The following LHX4 variants were observed in gnomAD, a reference collection of about 807,000 sequenced individuals.
LHX4 encodes LIM homeobox 4, also known as LIM/homeobox protein Lhx4.
LHX4 carries 16 observed loss-of-function variants against 39.2 expected under a neutral mutation model. The observed-to-expected ratio is 0.41, with a 90% CI of 0.28 to 0.62. LHX4 has a LOEUF of 0.62. Ranked by LOEUF, LHX4 falls within the 20% of genes least tolerant of loss-of-function variation. LHX4 has a pLI of 0.33. For missense variants in LHX4, 439 were observed against 511.9 expected (o/e 0.86, Z 1.37); for synonymous variants, 206 against 198.1 (o/e 1.04, Z -0.33).
chr1:180,250,210 T>A (rs529753542), intron 2 of LHX4, among the ~76,000 whole-genome samples: 25 of 152,264 alleles, frequency 1.6e-4, no homozygotes, highest in African/African-American at 5.1e-4. Flanking sequence ...TCTAGCCACA[T>A]CCTTTCCCAG....
At chr1:180,254,884 C>T (rs1463024467) in intron 2 of LHX4, among the ~76,000 whole-genome samples, 1 of 152,142 alleles carries the variant, frequency 6.6e-6, no homozygotes, top group Admixed American at 6.5e-5. Context: ...ACACTGTGCC[C>T]CACATAGGGA....
At chr1:180,248,649 G>T (rs995443497) in intron 2 of LHX4, 193 bp downstream of exon 2, 5 of 680,324 alleles carry the variant, frequency 7.3e-6, no homozygotes, top group African/African-American at 5.3e-5. Context: ...ACTGCCAGAG[G>T]TTCAGCCTCT....
rs1037332041 is a variant in LHX4 at position 180,230,771 on chromosome 1, C to G, written c.76+166C>G. Among the ~76,000 whole-genome samples, 1 of 152,174 alleles carries G rather than the reference C, an allele frequency of 6.6e-6. No individual in the cohort carries two copies. Among genetic ancestry groups the G allele is most frequent in the Non-Finnish European group, 1.5e-5 (1 of 68,028 alleles). On this transcript the variant is annotated intron_variant, in intron 1 of 5. Coordinates refer to ENST00000263726, the MANE Select transcript of LHX4 (RefSeq NM_033343.4). The surrounding 1 kb of genome is among the most constrained non-coding windows in gnomAD (Gnocchi z 5.8). ...CCAGCCAGAGTGCGTTTGAGGGGGC[C>G]AGGCTCTTGGCTGTTTGGGGCCGAA...
Position 180,274,650 on chromosome 1 carries a change from C to T in LHX4, c.*71C>T. ...ATCTTCAAGGATCAAAAGAGACTTG[C>T]CTTTTAAGGATCGAAAGTACGCCAA... On this transcript the variant is annotated 3_prime_UTR_variant, in exon 6 of 6. Coordinates refer to ENST00000263726, the MANE Select transcript of LHX4 (RefSeq NM_033343.4). 1 of 1,461,778 alleles carries T rather than the reference C, an allele frequency of 6.8e-7. No individual in the cohort carries two copies. Among genetic ancestry groups the T allele is most frequent in the South Asian group, 1.4e-5 (1 of 72,390 alleles). The allele number at this position is 1,461,778 out of a possible 1,614,324, so 90.6% of individuals were successfully genotyped here.
chr1:180,257,609 A>G (rs1274294900), intron 2 of LHX4, among the ~76,000 whole-genome samples: 1 of 152,268 alleles, frequency 6.6e-6, no homozygotes, highest in African/African-American at 2.4e-5. Flanking sequence ...ATACAGTAAC[A>G]GTAAATATCA....
intron 1 of LHX4, among the ~76,000 whole-genome samples, chr1:180,239,313 A>T (rs1242686062): frequency 6.6e-6 from 1 of 152,244 alleles, no homozygotes; most frequent in Non-Finnish European, 1.5e-5. Context: ...ACCTGAGGCA[A>T]CAGAACAGCA....
At position 180,274,258 on chromosome 1, in the gene LHX4, G is replaced by T. The variant is rs145600753; in HGVS notation, c.852G>T (p.Gln284His). 3 of 1,614,240 alleles carry T rather than the reference G, an allele frequency of 1.9e-6. No individual in the cohort carries two copies. In the African/African-American group the frequency reaches 4.0e-5, roughly 22 times the overall value. ...YGNVGDVTGGQLMNGSFSMDG... is the reference protein window; with the variant it reads ...YGNVGDVTGGHLMNGSFSMDG... ...ACGTGGGGGACGTTACAGGCGGACA[G>T]TTAATGAATGGGAGCTTCTCCATGG... The change falls in exon 6 of 6, where the codon CAG (glutamine) becomes CAT (histidine). Residue 284 changes from glutamine to histidine, a missense_variant. Physicochemically the swap from Gln to His is conservative, Grantham distance 24. Coordinates refer to ENST00000263726, the MANE Select transcript of LHX4 (RefSeq NM_033343.4).
chr1:180,248,252 G>T, intron 1 of LHX4, 33 bp from the exon 2 acceptor site: 1 of 1,610,532 alleles, frequency 6.2e-7, no homozygotes, highest in Non-Finnish European at 8.5e-7. Flanking sequence ...TGTGTGGAAG[G>T]CTCACAGTGC....
intron 2 of LHX4, among the ~76,000 whole-genome samples, chr1:180,250,006 C>T (rs73042450): frequency 0.048 from 7,222 of 151,906 alleles, 582 homozygotes; most frequent in African/African-American, 0.16. Flanking sequence ...TGTGTGTTGA[C>T]TACAGGAAGG....
chr1:180,265,935 G>A (rs1295701834), intron 2 of LHX4, among the ~76,000 whole-genome samples: 1 of 152,194 alleles, frequency 6.6e-6, no homozygotes, highest in Admixed American at 6.5e-5. Context: ...CTGGGAGTGT[G>A]TGAAAAGGTG....
intron 1 of LHX4, 70 bp from the exon 2 acceptor site, chr1:180,248,215 G>A (rs535723243): frequency 5.2e-5 from 80 of 1,539,458 alleles, no homozygotes; most frequent in East Asian, 9.2e-5. Flanking sequence ...GAAGGCACCC[G>A]CCAGGGCCTG....
At chr1:180,254,298 C>G (rs1647755177) in intron 2 of LHX4, among the ~76,000 whole-genome samples, 1 of 152,362 alleles carries the variant, frequency 6.6e-6, no homozygotes, top group Non-Finnish European at 1.5e-5. Flanking sequence ...GCGCCAGAGG[C>G]TCCCGGTAGC....
intron 3 of LHX4, chr1:180,271,038 G>A: frequency 2.7e-6 from 1 of 376,312 alleles, no homozygotes; most frequent in South Asian, 2.2e-5. Flanking sequence ...AACTCATGAG[G>A]ATGTGTGAGC....
Position 180,277,880 on chromosome 1 carries a change from G to A in LHX4, c.*3301G>A, listed in dbSNP as rs1012100799. The A allele has an allele frequency of 6.7e-6, 1 of 149,742 alleles. No individual in the cohort carries two copies. The highest frequency in any genetic ancestry group is 1.5e-5 in the Non-Finnish European group (1 of 67,332). 9.3% of individuals were successfully genotyped at this position (149,742 alleles called of 1,614,324 possible). A position where few individuals can be genotyped will look rare whatever the true frequency, so the allele number is the denominator to read the frequency against. Reference sequence around the variant, plus strand: ...GGCAGTGTCCTTAAACTTTTTTTGGGGGGGGGCAGTGTAAAACATGAAACC... The same window carrying A: ...GGCAGTGTCCTTAAACTTTTTTTGGAGGGGGGCAGTGTAAAACATGAAACC... On this transcript the variant is annotated 3_prime_UTR_variant, in exon 6 of 6. Transcript: ENST00000263726.
At chr1:180,231,431 C>T (rs1312950651) in intron 1 of LHX4, among the ~76,000 whole-genome samples, 1 of 151,844 alleles carries the variant, frequency 6.6e-6, no homozygotes, top group Admixed American at 6.6e-5. Context: ...CCAAGTCTCT[C>T]TCTGTGTGTA....
At chr1:180,236,277 G>A (rs960657337) in intron 1 of LHX4, among the ~76,000 whole-genome samples, 1 of 152,208 alleles carries the variant, frequency 6.6e-6, no homozygotes, top group Non-Finnish European at 1.5e-5. Flanking sequence ...TTGGGCCACA[G>A]GGGCATCTTG....
chr1:180,243,647 G>GAC (rs1266956636), intron 1 of LHX4, among the ~76,000 whole-genome samples: 1 of 152,108 alleles, frequency 6.6e-6, no homozygotes, highest in Non-Finnish European at 1.5e-5. Flanking sequence ...TCAACAGGCA[G>GAC]ACACCTTGTA....
At chr1:180,256,978 C>G (rs1405377413) in intron 2 of LHX4, among the ~76,000 whole-genome samples, 1 of 152,236 alleles carries the variant, frequency 6.6e-6, no homozygotes, top group East Asian at 1.9e-4. Flanking sequence ...AATGAGATGC[C>G]TCGCATGAAG....
At chr1:180,270,728 A>G (rs1648595433) in intron 3 of LHX4, 1 of 157,708 alleles carries the variant, frequency 6.3e-6, no homozygotes, top group Admixed American at 6.0e-5. Flanking sequence ...ATAAAAACTA[A>G]AGTTTAATGA....
Sources: gnomAD v4.1 joint callset for allele counts (sites outside exome capture counted in the v4.1 genomes callset) on GRCh38, gnomAD v4.1.1 for gene constraint, Gnocchi (gnomAD v3.1) non-coding constraint, MANE v1.5 for transcripts, NCBI Gene and HGNC (gene_info 2026-07-23, HGNC 2026-07-21) for gene names.